NFIA: variants seen among roughly 807,000 people sequenced by gnomAD.
NFIA encodes the protein nuclear factor I A.
A neutral mutation model predicts 62.8 loss-of-function variants in NFIA; 8 were observed. The ratio of observed to expected loss-of-function variants is 0.13; its 90% CI spans 0.07 to 0.23. The LOEUF (loss-of-function observed/expected upper bound fraction) is 0.23, where lower values mean the gene tolerates loss of function less well. Ranked by LOEUF, NFIA falls within the 10% of genes least tolerant of loss-of-function variation. The pLI, the probability that NFIA is intolerant of heterozygous loss-of-function variation, is 1.00. For synonymous variants in NFIA, 235 were observed against 238.1 expected, an observed-to-expected ratio of 0.99 and a Z score of 0.12; for missense variants, 410 against 642.1, an observed-to-expected ratio of 0.64 and a Z score of 3.91.
At chr1:61,213,802 T>G (rs755323527) in intron 2 of NFIA, among the ~76,000 whole-genome samples, 3 of 152,192 alleles carry the variant, frequency 2.0e-5, no homozygotes, top group Non-Finnish European at 4.4e-5. Flanking sequence ...TTCTCCTGGC[T>G]GCTCCTACTC....
intron 2 of NFIA, among the ~76,000 whole-genome samples, chr1:61,249,585 G>A (rs774806049): frequency 1.3e-5 from 2 of 152,136 alleles, no homozygotes; most frequent in Non-Finnish European, 2.9e-5. Context: ...TAGATCACTT[G>A]AGGTCAGGAG....
chr1:61,213,391 A>G (rs1435426943), intron 2 of NFIA, among the ~76,000 whole-genome samples: 1 of 152,250 alleles, frequency 6.6e-6, no homozygotes, highest in East Asian at 1.9e-4. Flanking sequence ...ATGTGTTCAC[A>G]TGAAACAGAC....
At chr1:61,385,699 A>G (rs935348873) in intron 7 of NFIA, among the ~76,000 whole-genome samples, 1 of 152,182 alleles carries the variant, frequency 6.6e-6, no homozygotes, top group Non-Finnish European at 1.5e-5. Flanking sequence ...TAGATGACTA[A>G]GCACATTTTC....
At chr1:61,301,308 A>G (rs1417383397) in intron 3 of NFIA, among the ~76,000 whole-genome samples, 2 of 152,224 alleles carry the variant, frequency 1.3e-5, no homozygotes, top group Non-Finnish European at 2.9e-5. Flanking sequence ...GATCCATGAA[A>G]GTAACTTGCT....
At chr1:61,359,385 T>G in intron 6 of NFIA, 111 bp downstream of exon 6, 1 of 1,471,202 alleles carries the variant, frequency 6.8e-7, no homozygotes, top group South Asian at 1.3e-5. Context: ...GTAGTTCACT[T>G]TTTCAGGATG....
At chr1:61,081,584 C>T (rs1473228663), upstream of NFIA, among the ~76,000 whole-genome samples, 5 of 152,170 alleles carry the variant, frequency 3.3e-5, no homozygotes, top group African/African-American at 1.2e-4. Flanking sequence ...CACAGCTAAA[C>T]CACTGTTGTT....
chr1:61,142,281 A>G (rs943106397), intron 2 of NFIA, among the ~76,000 whole-genome samples: 1 of 152,232 alleles, frequency 6.6e-6, no homozygotes, highest in Admixed American at 6.5e-5. Context: ...ATTATGGCTC[A>G]AAATTTTAAT....
intron 6 of NFIA, 81 bp from the exon 7 acceptor site, chr1:61,383,156 T>C: frequency 6.6e-7 from 1 of 1,513,106 alleles, no homozygotes; most frequent in Non-Finnish European, 9.0e-7. Flanking sequence ...TGTTTTTAAT[T>C]CTTTAAATGT....
At chr1:61,094,039 A>G (rs1646369648) in intron 2 of NFIA, among the ~76,000 whole-genome samples, 1 of 152,232 alleles carries the variant, frequency 6.6e-6, no homozygotes, top group Non-Finnish European at 1.5e-5. Context: ...AATTGCTCAC[A>G]AATGTCAATA....
At chr1:61,441,509 AC>A (rs1179384259) in intron 10 of NFIA, among the ~76,000 whole-genome samples, 4 of 152,222 alleles carry the variant, frequency 2.6e-5, no homozygotes, top group African/African-American at 9.6e-5. Context: ...TGTAGGGAGG[AC>A]CTTTGATTTA....
At chr1:61,090,541 T>C (rs907699971) in intron 2 of NFIA, among the ~76,000 whole-genome samples, 122 of 152,198 alleles carry the variant, frequency 8.0e-4, no homozygotes, top group African/African-American at 2.8e-3. Flanking sequence ...CGTCGTTGGT[T>C]TGTTACTGTG....
At chr1:61,094,540 G>C (rs1338366654) in intron 2 of NFIA, among the ~76,000 whole-genome samples, 1 of 152,198 alleles carries the variant, frequency 6.6e-6, no homozygotes, top group Non-Finnish European at 1.5e-5. Context: ...AGTCCAGTTA[G>C]AGACATCATT....
At chr1:61,077,357 TGAGAGCGAGCGAGCGAGCGAGC>T (rs1057064302), upstream of NFIA, 19 of 362,366 alleles carry the variant, frequency 5.2e-5, no homozygotes, top group African/African-American at 3.2e-4. Context: ...AAAGAGAGAG[TGAGAGCGAGCGAGCGAGCGAGC>T]GAGAGCGAGA....
chr1:61,393,996 CTATT>C (rs1196709170), intron 7 of NFIA, among the ~76,000 whole-genome samples: 2 of 152,202 alleles, frequency 1.3e-5, no homozygotes, highest in African/African-American at 2.4e-5. Context: ...TCATGTATCT[CTATT>C]TATTCTAAAA....
In NFIA at chr1:61,227,438, T is replaced by G. The variant is rs1322733618; in HGVS notation, c.560-50082T>G. ...TGATGATGGGATCTTGAAGACTGATTCGTTCTTTTTAAAAGTCACGATAGA... is the reference window on the plus strand; with the variant it reads ...TGATGATGGGATCTTGAAGACTGATGCGTTCTTTTTAAAAGTCACGATAGA... On this transcript the variant is annotated intron_variant, in intron 2 of 10. Coordinates refer to ENST00000403491, the MANE Select transcript of NFIA (RefSeq NM_001134673.4). 2.0e-5 allele frequency among the ~76,000 whole-genome samples: 3 copies of G among 152,322 alleles called. No homozygotes were observed. The South Asian group carries it at 6.2e-4, about 32-fold the overall frequency.
intron 2 of NFIA, among the ~76,000 whole-genome samples, chr1:61,141,772 A>G (rs1218235329): frequency 6.6e-6 from 1 of 152,228 alleles, no homozygotes; most frequent in Non-Finnish European, 1.5e-5. Flanking sequence ...GATCATGCTC[A>G]GGAGATAGTG....
chr1:61,225,269 T>G (rs1455507202), intron 2 of NFIA, among the ~76,000 whole-genome samples: 2 of 151,992 alleles, frequency 1.3e-5, no homozygotes, highest in African/African-American at 2.4e-5. Context: ...TTTTTTTTTT[T>G]GAGACTGAGT....
In NFIA at chr1:61,292,492, A is replaced by G. The variant is rs899676915; in HGVS notation, c.625+14907A>G. 2.0e-5 allele frequency among the ~76,000 whole-genome samples: 3 copies of G among 152,164 alleles called. No individual in the cohort carries two copies. In the East Asian group the frequency reaches 5.8e-4, roughly 29 times the overall value. On this transcript the variant is annotated intron_variant, in intron 3 of 10. Transcript: ENST00000403491. ...CCTGTGCCAGGCAGTGGGCATATCC[A>G]CATAAAAGAGAAACCAACCCCATAC...
At position 61,355,013 on chromosome 1, in the gene NFIA, A is replaced by C. The variant is rs568931732; in HGVS notation, c.818+2446A>C. 9.2e-5 allele frequency among the ~76,000 whole-genome samples: 14 copies of C among 152,084 alleles called. No individual in the cohort carries two copies. The East Asian group carries it at 9.7e-4, about 10-fold the overall frequency. The stretch of plus-strand genomic sequence containing the variant: ...GTTCAGGGTCCTATGAACACTCAGG[A>C]AAGTTAAGGCATTTTGCAGTCTTAG... On this transcript the variant is annotated intron_variant, in intron 5 of 10. Coordinates refer to ENST00000403491, the MANE Select transcript of NFIA (RefSeq NM_001134673.4).
Sources: gnomAD v4.1 joint callset for allele counts (sites outside exome capture counted in the v4.1 genomes callset) on GRCh38, gnomAD v4.1.1 for gene constraint, MANE v1.5 for transcripts, NCBI Gene and HGNC (gene_info 2026-07-23, HGNC 2026-07-21) for gene names.